LRMDA: variants seen among roughly 807,000 people sequenced by gnomAD.
LRMDA encodes the protein leucine-rich melanocyte differentiation-associated protein.
In LRMDA, 18 loss-of-function variants were observed where a neutral mutation model predicts 29.8. The observed-to-expected ratio is 0.60, with a 90% confidence interval of 0.42 to 0.90. The LOEUF (loss-of-function observed/expected upper bound fraction) is 0.90. Among genes scored for constraint, LRMDA ranks in the 40% least tolerant of loss-of-function variants. The pLI is 0.00. For missense variants in LRMDA, 273 were observed against 273.9 expected, an observed-to-expected ratio of 1.00 and a Z score of 0.02; for synonymous variants, 125 against 109.4, an observed-to-expected ratio of 1.14 and a Z score of -0.89.
intron 6 of LRMDA, among the ~76,000 whole-genome samples, chr10:76,475,174 G>A (rs1377029812): frequency 1.3e-5 from 2 of 151,704 alleles, no homozygotes; most frequent in Non-Finnish European, 2.9e-5. Flanking sequence ...TTAGGGATGA[G>A]GAGGCTAGGG....
rs957258989 is a variant in LRMDA, at chr10:76,257,389, A to G, written c.517-67012A>G. Among the ~76,000 whole-genome samples, 5 of 149,872 alleles carry G rather than the reference A, an allele frequency of 3.3e-5. No homozygotes were observed. In the Admixed American group the frequency reaches 3.3e-4, roughly 10 times the overall value. Reference sequence around the variant, plus strand: ...ACTCTTGTTGCCCAGGCTGGAGTGCAATGGCATGATCTCAGCTCACTGCAA... The same window carrying G: ...ACTCTTGTTGCCCAGGCTGGAGTGCGATGGCATGATCTCAGCTCACTGCAA... On this transcript the variant is annotated intron_variant, in intron 5 of 6. Transcript: ENST00000611255.
intron 2 of LRMDA, among the ~76,000 whole-genome samples, chr10:75,920,817 G>A (rs1449459188): frequency 1.3e-5 from 2 of 152,226 alleles, no homozygotes; most frequent in African/African-American, 2.4e-5. Context: ...TGCACCCCCA[G>A]GAAGTACTGC....
At chr10:75,665,890 T>C (rs1841816075) in intron 2 of LRMDA, among the ~76,000 whole-genome samples, 1 of 152,212 alleles carries the variant, frequency 6.6e-6, no homozygotes, top group Non-Finnish European at 1.5e-5. Context: ...AATTGTTTCT[T>C]GTCCTGTGGA....
At chr10:75,545,506 T>C (rs1327568618) in intron 2 of LRMDA, among the ~76,000 whole-genome samples, 1 of 152,186 alleles carries the variant, frequency 6.6e-6, no homozygotes, top group East Asian at 1.9e-4. Context: ...AGTACTGATA[T>C]CATAGGACAC....
chr10:75,937,309 C>T (rs1222604719), intron 2 of LRMDA, among the ~76,000 whole-genome samples: 1 of 152,212 alleles, frequency 6.6e-6, no homozygotes. Context: ...CAAGCAACTC[C>T]TTTTAGATAA....
Position 75,604,741 on chromosome 10 carries a change from A to T in LRMDA, c.131+166247A>T, listed in dbSNP as rs76159970. Among the ~76,000 whole-genome samples the T allele has an allele frequency of 7.8e-3, 1,186 of 152,328 alleles. 16 individuals are homozygous for T. Among genetic ancestry groups the T allele is most frequent in the African/African-American group, 0.028 (1,149 of 41,562 alleles). ...ATACTATGATTTTAAGAACAGTTTA[A>T]CCTAGTAGCTGCTGAAATGAACTGC... On this transcript the variant is annotated intron_variant, in intron 2 of 6. Transcript: ENST00000611255.
At chr10:75,918,320 C>T (rs557320385) in intron 2 of LRMDA, among the ~76,000 whole-genome samples, 2 of 152,190 alleles carry the variant, frequency 1.3e-5, no homozygotes, top group African/African-American at 4.8e-5. Flanking sequence ...CCTTAGTTGG[C>T]TCACAGTTCT....
chr10:76,080,396 G>T (rs927639761), intron 5 of LRMDA, among the ~76,000 whole-genome samples: 1 of 152,166 alleles, frequency 6.6e-6, no homozygotes, highest in African/African-American at 2.4e-5. Context: ...TTATCCCTTA[G>T]TATTTAGCAT....
chr10:76,011,411 A>G (rs568246874), intron 2 of LRMDA, among the ~76,000 whole-genome samples: 3 of 152,272 alleles, frequency 2.0e-5, no homozygotes, highest in African/African-American at 4.8e-5. Context: ...GAATGTGGCC[A>G]TCTCGTCTCC....
At chr10:75,724,180 C>T (rs1340106905) in intron 2 of LRMDA, among the ~76,000 whole-genome samples, 1 of 152,150 alleles carries the variant, frequency 6.6e-6, no homozygotes, top group East Asian at 1.9e-4. Context: ...ATAATTGTGA[C>T]ACTCTACTTG....
chr10:75,631,428 T>C (rs1355774589), intron 2 of LRMDA, among the ~76,000 whole-genome samples: 1 of 149,322 alleles, frequency 6.7e-6, no homozygotes. Flanking sequence ...CCACCCAACA[T>C]GTTGCCAGGA....
In LRMDA at chr10:76,458,642, C is replaced by T. The variant is rs115478640; in HGVS notation, c.602-98567C>T. Among the ~76,000 whole-genome samples, 1,390 of 152,274 alleles carry T rather than the reference C, an allele frequency of 9.1e-3. 18 individuals are homozygous for T. The highest frequency in any genetic ancestry group is 0.032 in the African/African-American group (1,334 of 41,576). On this transcript the variant is annotated intron_variant, in intron 6 of 6. Coordinates refer to ENST00000611255, the MANE Select transcript of LRMDA (RefSeq NM_001305581.2). ...TCCTTTCTTTAAGGAATGACCTCAA[C>T]TCTGTTTCACATCAGACACAGTTTG... is the stretch of plus-strand genomic sequence containing the variant.
chr10:75,703,376 G>A lies in LRMDA; in HGVS notation c.131+264882G>A, dbSNP rs199894235. Among the ~76,000 whole-genome samples the A allele has an allele frequency of 1.2e-4, 18 of 152,304 alleles. No individual in the cohort carries two copies. The East Asian group carries it at 3.1e-3, about 26-fold the overall frequency. ...AGATCTGCCGATCTGAGAGAGTTCC[G>A]TTTTCTCTTCCAGGCAGCAGATAGA... On this transcript the variant is annotated intron_variant, in intron 2 of 6. Transcript: ENST00000611255.
At chr10:76,435,314 C>T (rs889852451) in intron 6 of LRMDA, among the ~76,000 whole-genome samples, 1 of 152,176 alleles carries the variant, frequency 6.6e-6, no homozygotes, top group East Asian at 1.9e-4. Context: ...TGTGGCCTTT[C>T]AGTCCTTCCC....
In LRMDA at chr10:76,358,754, T is replaced by C. The variant is rs556408182; in HGVS notation, c.601+34269T>C. On this transcript the variant is annotated intron_variant, in intron 6 of 6. Transcript: ENST00000611255. ...GTGCAAAACATGAATATTTGATTAA[T>C]ATAAAATCAGGCATCTAGAGCAGAG... is the stretch of plus-strand genomic sequence containing the variant. Among the ~76,000 whole-genome samples, 6 of 152,314 alleles carry C rather than the reference T, an allele frequency of 3.9e-5. 1 individual carries two copies. The South Asian group carries it at 1.2e-3, about 32-fold the overall frequency.
chr10:75,875,106 T>C (rs965436286), intron 2 of LRMDA, among the ~76,000 whole-genome samples: 4 of 152,184 alleles, frequency 2.6e-5, no homozygotes, highest in African/African-American at 9.6e-5. Flanking sequence ...CTGCCAGTAT[T>C]CCCTTTACCA....
At chr10:76,316,216 A>C (rs1245814761) in intron 5 of LRMDA, among the ~76,000 whole-genome samples, 1 of 152,182 alleles carries the variant, frequency 6.6e-6, no homozygotes, top group Admixed American at 6.5e-5. Context: ...CGCCCTCTTT[A>C]GGGCTCTGTG....
At chr10:75,449,548 A>G (rs527657495) in intron 2 of LRMDA, among the ~76,000 whole-genome samples, 2 of 146,684 alleles carry the variant, frequency 1.4e-5, no homozygotes, top group African/African-American at 5.0e-5. Flanking sequence ...TTTTTGAATC[A>G]TTAAAGCCTG....
At chr10:75,755,898 C>G (rs1444342155) in intron 2 of LRMDA, among the ~76,000 whole-genome samples, 1 of 152,132 alleles carries the variant, frequency 6.6e-6, no homozygotes, top group African/African-American at 2.4e-5. Context: ...CAGTGGGAAG[C>G]TTTGGAGGGT....
Sources: allele counts gnomAD v4.1 joint callset (sites outside exome capture counted in the v4.1 genomes callset), GRCh38; gene constraint gnomAD v4.1.1; transcripts MANE v1.5; gene names NCBI Gene and HGNC (gene_info 2026-07-23, HGNC 2026-07-21).